Variants in CCDC144A observed in about 807,000 individuals in gnomAD.
CCDC144A encodes the protein coiled-coil domain containing 144A.
Under a neutral mutation model 143.8 loss-of-function variants are expected in CCDC144A, and 41 were observed. The observed-to-expected ratio is 0.29, with a 90% confidence interval of 0.22 to 0.37. The LOEUF (loss-of-function observed/expected upper bound fraction) is 0.37, where lower values mean the gene tolerates loss of function less well. CCDC144A is among the 10% of genes least tolerant of loss of function. CCDC144A has a pLI of 1.00. For missense variants in CCDC144A, 637 were observed against 1,488.8 expected (o/e 0.43, Z 9.41); for synonymous variants, 242 against 517.9 (o/e 0.47, Z 7.23).
chr17:16,710,903 A>G (rs971583180), intron 5 of CCDC144A, among the ~76,000 whole-genome samples: 86 of 150,448 alleles, frequency 5.7e-4, no homozygotes, highest in Admixed American at 3.0e-3. Flanking sequence ...TGGATCAATC[A>G]TTTTAATCTT....
At chr17:16,682,693 G>A in the CCDC144A span, among the ~76,000 whole-genome samples, 1 of 151,866 alleles carries the variant, frequency 6.6e-6, no homozygotes, top group Admixed American at 6.6e-5. Context: ...TTTGCAAAAA[G>A]GACAGATCAC....
chr17:16,722,814 A>G (rs11869665), intron 8 of CCDC144A, among the ~76,000 whole-genome samples: 16,970 of 151,988 alleles, frequency 0.11, 1,202 homozygotes, highest in South Asian at 0.29. Flanking sequence ...ACTTGGTAAT[A>G]TGCCTTTGTG....
chr17:16,675,909 A>AT, the CCDC144A span, among the ~76,000 whole-genome samples: 1,330 of 145,374 alleles, frequency 9.1e-3, 13 homozygotes, highest in African/African-American at 0.029. Context: ...AGCCCAGCTA[A>AT]TTTTTTTTTT....
the CCDC144A span, chr17:16,683,545 C>T: frequency 1.9e-6 from 3 of 1,580,414 alleles, no homozygotes; most frequent in South Asian, 1.1e-5. Context: ...GGCAAGTCCG[C>T]GGTCTTTCTG....
At chr17:16,708,727 T>G (rs751500617) in intron 4 of CCDC144A, 69 bp from the exon 5 acceptor site, 6 of 1,603,608 alleles carry the variant, frequency 3.7e-6, no homozygotes, top group Middle Eastern at 2.3e-4. Flanking sequence ...TTTTAAAACA[T>G]GTAGCCCAAC....
the CCDC144A span, among the ~76,000 whole-genome samples, chr17:16,674,618 A>G: frequency 1.3e-5 from 2 of 151,984 alleles, no homozygotes; most frequent in Admixed American, 1.3e-4. Context: ...GAAGGAGGGA[A>G]AGAAAGAAAC....
the CCDC144A span, among the ~76,000 whole-genome samples, chr17:16,673,489 C>T: frequency 6.6e-6 from 1 of 151,358 alleles, no homozygotes; most frequent in Non-Finnish European, 1.5e-5. Flanking sequence ...TGGGTTCAAG[C>T]GATTCTCCTG....
chr17:16,740,057 A>G (rs1189055228), intron 12 of CCDC144A, among the ~76,000 whole-genome samples: 3 of 152,070 alleles, frequency 2.0e-5, no homozygotes, highest in Non-Finnish European at 4.4e-5. Flanking sequence ...TCTTGGTCAC[A>G]GGATATGCTG....
chr17:16,759,039 C>T (rs1419840677), intron 12 of CCDC144A, among the ~76,000 whole-genome samples: 5 of 152,214 alleles, frequency 3.3e-5, no homozygotes, highest in Non-Finnish European at 5.9e-5. Context: ...TTTCTAAGGT[C>T]TTAAAATAGA....
intron 15 of CCDC144A, among the ~76,000 whole-genome samples, chr17:16,768,155 A>G (rs1325089901): frequency 1.3e-5 from 2 of 152,386 alleles, no homozygotes; most frequent in African/African-American, 4.8e-5. Flanking sequence ...GAGCTTCAGT[A>G]AATTTATTTA....
upstream of CCDC144A, among the ~76,000 whole-genome samples, chr17:16,689,174 T>C (rs1910901592): frequency 6.6e-6 from 1 of 152,122 alleles, no homozygotes; most frequent in African/African-American, 2.4e-5. Context: ...TTTCCTTCTC[T>C]TTGCTTCGTT....
intron 12 of CCDC144A, 65 bp downstream of exon 12, chr17:16,735,708 GT>G: frequency 1.5e-6 from 1 of 674,882 alleles, no homozygotes; most frequent in Non-Finnish European, 2.5e-6. Flanking sequence ...GTAATATTTG[GT>G]TATGGCTAAA....
At chr17:16,674,460 T>A in the CCDC144A span, among the ~76,000 whole-genome samples, 1 of 151,618 alleles carries the variant, frequency 6.6e-6, no homozygotes, top group Admixed American at 6.6e-5. Context: ...GATAGATAAA[T>A]CTCTGTTAAA....
chr17:16,683,536 G>A, the CCDC144A span: 3 of 1,561,920 alleles, frequency 1.9e-6, no homozygotes, highest in Non-Finnish European at 2.6e-6. Context: ...AGGAGGGGCG[G>A]CAAGTCCGCG....
chr17:16,682,889 T>G, the CCDC144A span, among the ~76,000 whole-genome samples: 1 of 67,960 alleles, frequency 1.5e-5, no homozygotes, highest in African/African-American at 8.4e-5. Flanking sequence ...CTCTGTTTTT[T>G]TTTTTTTTTT....
chr17:16,768,996 C>T (rs1915719708), intron 15 of CCDC144A, among the ~76,000 whole-genome samples: 1 of 152,188 alleles, frequency 6.6e-6, no homozygotes, highest in Non-Finnish European at 1.5e-5. Flanking sequence ...GATAGATGGA[C>T]ATCAACACAC....
At chr17:16,678,108 G>A in the CCDC144A span, among the ~76,000 whole-genome samples, 8 of 152,022 alleles carry the variant, frequency 5.3e-5, no homozygotes, top group African/African-American at 7.2e-5. Flanking sequence ...CTTTGGGATC[G>A]TTGGAGTTTT....
chr17:16,770,973 A>G (rs1427614786), intron 15 of CCDC144A, among the ~76,000 whole-genome samples: 1 of 152,168 alleles, frequency 6.6e-6, no homozygotes, highest in Non-Finnish European at 1.5e-5. Flanking sequence ...GTCTCAAAAT[A>G]TTGGTAAACC....
intron 12 of CCDC144A, among the ~76,000 whole-genome samples, chr17:16,739,679 A>AC (rs1914173767): frequency 6.6e-6 from 1 of 150,988 alleles, no homozygotes; most frequent in Non-Finnish European, 1.5e-5. Flanking sequence ...TTCTCATTTA[A>AC]TTTTTTTTAC....
Sources: allele counts gnomAD v4.1 joint callset (sites outside exome capture counted in the v4.1 genomes callset), GRCh38; gene constraint gnomAD v4.1.1; transcripts MANE v1.5; gene names NCBI Gene and HGNC (gene_info 2026-07-23, HGNC 2026-07-21).